The following AOX1 variants were observed in gnomAD, a reference collection of about 807,000 sequenced individuals.
AOX1 encodes aldehyde oxidase 1.
AOX1 carries 153 observed loss-of-function variants against 169.5 expected under a neutral mutation model. The ratio of observed to expected loss-of-function variants is 0.90; its 90% CI spans 0.79 to 1.03. The LOEUF (loss-of-function observed/expected upper bound fraction) is 1.03, where lower values mean the gene tolerates loss of function less well. Ranked by LOEUF, AOX1 falls within the 50% of genes least tolerant of loss-of-function variation. AOX1 has a pLI of 0.00. For missense variants in AOX1, 1,656 were observed against 1,663.9 expected (o/e 1.00, Z 0.08); for synonymous variants, 562 against 581.9 (o/e 0.97, Z 0.49).
intron 24 of AOX1, among the ~76,000 whole-genome samples, chr2:200,641,638 C>T (rs2035354152): frequency 6.6e-6 from 1 of 152,068 alleles, no homozygotes; most frequent in African/African-American, 2.4e-5. Flanking sequence ...AGCGATCCTC[C>T]CACCTCAGCC....
At chr2:200,661,770 A>C (rs2035833401) in intron 30 of AOX1, 139 bp downstream of exon 30, 1 of 658,964 alleles carries the variant, frequency 1.5e-6, no homozygotes, top group African/African-American at 1.9e-5. Flanking sequence ...TTTAACTGCT[A>C]GTTAATCCAT....
rs1322189678 is a variant in AOX1 at position 200,670,877 on chromosome 2, C to G, written c.*198C>G. 1 of 508,486 alleles carries G rather than the reference C, an allele frequency of 2.0e-6. No homozygotes were observed. Among genetic ancestry groups the G allele is most frequent in the East Asian group, 2.9e-5 (1 of 34,110 alleles). 31.5% of individuals were successfully genotyped at this position (508,486 alleles called of 1,614,324 possible). ...AGATATGCTTAAGCAATCTATAAAT[C>G]ATTTTCAATGTTATAAACACTAATT... On this transcript the variant is annotated 3_prime_UTR_variant, in exon 35 of 35. Coordinates refer to ENST00000374700, the MANE Select transcript of AOX1 (RefSeq NM_001159.4).
chr2:200,666,522 A>G (rs1256055418), intron 31 of AOX1, among the ~76,000 whole-genome samples, 165 bp from the exon 32 acceptor site: 1 of 152,228 alleles, frequency 6.6e-6, no homozygotes, highest in Non-Finnish European at 1.5e-5. Context: ...AAAGTTTTAC[A>G]TAATAAACTT....
At chr2:200,587,138 C>A (rs571223832) in intron 1 of AOX1, among the ~76,000 whole-genome samples, 27 of 150,284 alleles carry the variant, frequency 1.8e-4, no homozygotes, top group East Asian at 1.8e-3. Flanking sequence ...ACAACAACAA[C>A]AAAAAAAAAC....
At chr2:200,661,721 G>T in intron 30 of AOX1, 90 bp downstream of exon 30, 2 of 955,136 alleles carry the variant, frequency 2.1e-6, no homozygotes, top group South Asian at 1.4e-5. Flanking sequence ...GGCAAACGTT[G>T]ACTTTCTACC....
At chr2:200,601,618 TG>T (rs1420125042) in intron 5 of AOX1, among the ~76,000 whole-genome samples, 2 of 144,700 alleles carry the variant, frequency 1.4e-5, no homozygotes, top group Non-Finnish European at 3.0e-5. Context: ...CTCAGTAAAA[TG>T]GATTTTACTT....
At chr2:200,638,040 G>A (rs574925730) in intron 22 of AOX1, 175 bp from the exon 23 acceptor site, 9 of 538,122 alleles carry the variant, frequency 1.7e-5, no homozygotes, top group Admixed American at 1.1e-4. Context: ...CTGACCTAAC[G>A]GGAGGAAAGC....
chr2:200,612,360 G>A (rs2034657099), intron 13 of AOX1, among the ~76,000 whole-genome samples: 1 of 152,120 alleles, frequency 6.6e-6, no homozygotes, highest in Non-Finnish European at 1.5e-5. Flanking sequence ...ACACTGGGTG[G>A]CCTCAACAAC....
intron 33 of AOX1, 85 bp downstream of exon 33, chr2:200,668,888 T>G (rs1442982193): frequency 1.1e-5 from 13 of 1,213,002 alleles, no homozygotes; most frequent in Admixed American, 2.8e-5. Context: ...CTTGGCTGTT[T>G]GGGATTTTTA....
chr2:200,605,771 G>A, intron 10 of AOX1, 143 bp downstream of exon 10: 1 of 429,738 alleles, frequency 2.3e-6, no homozygotes, highest in Non-Finnish European at 4.1e-6. Context: ...ATGTTTGTTG[G>A]CCACATAAAT....
At chr2:200,589,800 A>C (rs1292548550) in intron 1 of AOX1, among the ~76,000 whole-genome samples, 2 of 152,272 alleles carry the variant, frequency 1.3e-5, no homozygotes, top group Admixed American at 6.5e-5. Context: ...CTGGTGTAGG[A>C]ATCTGGAAAG....
intron 25 of AOX1, among the ~76,000 whole-genome samples, chr2:200,646,512 G>C (rs111289546): frequency 6.6e-6 from 1 of 151,994 alleles, no homozygotes; most frequent in South Asian, 2.1e-4. Context: ...TCCATGTGCC[G>C]TTGAATAGAA....
At position 200,662,862 on chromosome 2, in the gene AOX1, G is replaced by A. The variant is rs1277031902; in HGVS notation, c.3436G>A (p.Glu1146Lys). Reference sequence around the variant, plus strand: ...ACTCACTGTTTCTTCCAGAGGTTATGAGTCAGACATGAACTGGGAGAAAGG... The same window carrying A: ...ACTCACTGTTTCTTCCAGAGGTTATAAGTCAGACATGAACTGGGAGAAAGG... Reference protein sequence around the residue: ...LSAVGYFRGYESDMNWEKGEG... With the variant: ...LSAVGYFRGYKSDMNWEKGEG... Residue 1146 changes from glutamate (E) to lysine (K), a missense_variant, in exon 31 of 35, where the codon GAG (glutamate) becomes AAG (lysine). Coordinates refer to ENST00000374700, the MANE Select transcript of AOX1 (RefSeq NM_001159.4). 2.5e-6 allele frequency: 4 copies of A among 1,613,582 alleles called. No individual in the cohort carries two copies. Among genetic ancestry groups the A allele is most frequent in the Non-Finnish European group, 2.5e-6 (3 of 1,179,642 alleles).
At chr2:200,599,784 A>G (rs1378954300) in intron 5 of AOX1, 38 bp downstream of exon 5, 16 of 1,330,270 alleles carry the variant, frequency 1.2e-5, no homozygotes, top group Non-Finnish European at 1.5e-5. Context: ...TTTAATTTTT[A>G]TTTATTTATT....
At chr2:200,599,573 G>A (rs747217084) in intron 4 of AOX1, 47 bp from the exon 5 acceptor site, 8 of 1,542,994 alleles carry the variant, frequency 5.2e-6, no homozygotes, top group African/African-American at 1.4e-5. Context: ...CATTAGGCCT[G>A]GGATGGGGCC....
chr2:200,663,036 T>G (rs931957649), intron 31 of AOX1, 67 bp downstream of exon 31: 5 of 1,248,064 alleles, frequency 4.0e-6, no homozygotes. Flanking sequence ...AGATGCCATC[T>G]ATCTGAGGAG....
intron 10 of AOX1, 121 bp from the exon 11 acceptor site, chr2:200,608,863 C>T (rs2034570145): frequency 1.2e-6 from 1 of 833,630 alleles, no homozygotes; most frequent in Non-Finnish European, 1.9e-6. Context: ...TCACCACCAT[C>T]ACCAATAAGC....
At chr2:200,611,553 C>T (rs568104854) in intron 13 of AOX1, 60 bp downstream of exon 13, 1 of 1,096,692 alleles carries the variant, frequency 9.1e-7, no homozygotes, top group Admixed American at 1.7e-5. Context: ...CTTGTTTATT[C>T]CAGTATATGG....
chr2:200,677,941 A>G (rs1387074356), downstream of AOX1, among the ~76,000 whole-genome samples: 2 of 152,184 alleles, frequency 1.3e-5, no homozygotes, highest in Non-Finnish European at 2.9e-5. Context: ...CGTGCCCAAG[A>G]TCCCTCAATT....
Sources: allele counts gnomAD v4.1 joint callset (sites outside exome capture counted in the v4.1 genomes callset), GRCh38; gene constraint gnomAD v4.1.1; transcripts MANE v1.5; gene names NCBI Gene and HGNC (gene_info 2026-07-23, HGNC 2026-07-21).